The following TUSC3 variants were observed in gnomAD, a reference collection of about 807,000 sequenced individuals.
TUSC3 encodes the protein dolichyl-diphosphooligosaccharide--protein glycosyltransferase subunit TUSC3.
TUSC3 carries 45 observed loss-of-function variants against 44.8 expected under a neutral mutation model. The ratio of observed to expected loss-of-function variants is 1.00; its 90% CI spans 0.79 to 1.29. The LOEUF (loss-of-function observed/expected upper bound fraction) is 1.29. Among genes scored for constraint, TUSC3 ranks in the 50% most tolerant of loss-of-function variants. The pLI, the probability that TUSC3 is intolerant of heterozygous loss-of-function variation, is 0.00. For synonymous variants in TUSC3, 212 were observed against 152.9 expected, an observed-to-expected ratio of 1.39 and a Z score of -2.85; for missense variants, 519 against 437.9, an observed-to-expected ratio of 1.19 and a Z score of -1.65.
chr8:15,840,945 G>A, the TUSC3 span, among the ~76,000 whole-genome samples: 1 of 152,048 alleles, frequency 6.6e-6, no homozygotes, highest in African/African-American at 2.4e-5. Context: ...ATTCTTTTTG[G>A]TCCACTGTTG....
chr8:15,487,584 T>C (rs140101991), intron 2 of TUSC3, among the ~76,000 whole-genome samples: 87 of 152,344 alleles, frequency 5.7e-4, no homozygotes, highest in African/African-American at 2.0e-3. Flanking sequence ...AGAGAAAATA[T>C]TGATACACAA....
chr8:15,570,954 G>T (rs1409556981), intron 1 of TUSC3, among the ~76,000 whole-genome samples: 96 of 44,474 alleles, frequency 2.2e-3, no homozygotes, highest in Non-Finnish European at 3.5e-3. Flanking sequence ...TTGCCTATTA[G>T]TTTTTTTTTT....
chr8:15,590,886 C>T (rs902411784), intron 1 of TUSC3, among the ~76,000 whole-genome samples: 11 of 152,182 alleles, frequency 7.2e-5, no homozygotes, highest in Admixed American at 4.6e-4. Context: ...GTTGCCCAGG[C>T]TGGTGTCAAA....
intron 1 of TUSC3, among the ~76,000 whole-genome samples, chr8:15,431,640 C>T (rs1413867557): frequency 6.8e-6 from 1 of 147,014 alleles, no homozygotes; most frequent in Non-Finnish European, 1.5e-5. Flanking sequence ...TTTGCTTCTT[C>T]CTTTCTGATT....
intron 2 of TUSC3, among the ~76,000 whole-genome samples, chr8:15,645,453 G>A (rs1435621767): frequency 2.6e-5 from 4 of 151,702 alleles, no homozygotes; most frequent in African/African-American, 4.8e-5. Flanking sequence ...ATACTTTGTC[G>A]AACTGTTCCA....
intron 3 of TUSC3, among the ~76,000 whole-genome samples, chr8:15,656,741 AG>A (rs1456101941): frequency 6.6e-6 from 1 of 152,210 alleles, no homozygotes; most frequent in Non-Finnish European, 1.5e-5. Context: ...AGATCCACTA[AG>A]GGGGATTCTT....
At chr8:15,734,158 C>CA (rs367581006) in intron 7 of TUSC3, among the ~76,000 whole-genome samples, 1 of 152,034 alleles carries the variant, frequency 6.6e-6, no homozygotes, top group African/African-American at 2.4e-5. Context: ...TTTCTTCTGG[C>CA]AAAAAATTAC....
intron 6 of TUSC3, among the ~76,000 whole-genome samples, chr8:15,727,823 C>T (rs187329376): frequency 7.2e-5 from 11 of 152,274 alleles, no homozygotes; most frequent in African/African-American, 2.4e-4. Context: ...ATCACTTACA[C>T]TATTGTATAT....
chr8:15,658,349 CT>C (rs1667856869), intron 3 of TUSC3, among the ~76,000 whole-genome samples: 1 of 152,062 alleles, frequency 6.6e-6, no homozygotes, highest in Non-Finnish European at 1.5e-5. Context: ...TAAATAATGA[CT>C]GCTGTAGTCA....
At position 15,500,167 on chromosome 8, in the gene TUSC3, C is replaced by T. The variant is rs549497531; in HGVS notation, n.189+16684C>T. ...ACCTGCAAAAGCAGCTAGAGTCTTT[C>T]TCTACGGAGCTGTACACGTATCTGG... On this transcript the variant is annotated intron_variant and non_coding_transcript_variant, in intron 2 of 5. Coordinates refer to the TUSC3 transcript ENST00000503191. Among the ~76,000 whole-genome samples, 3 of 152,274 alleles carry T rather than the reference C, an allele frequency of 2.0e-5. No homozygotes were observed. The South Asian group carries it at 6.2e-4, about 32-fold the overall frequency.
chr8:15,527,503 C>A (rs992692312), intron 2 of TUSC3, among the ~76,000 whole-genome samples: 1 of 152,200 alleles, frequency 6.6e-6, no homozygotes, highest in African/African-American at 2.4e-5. Flanking sequence ...AGATGTGAGT[C>A]ACTGTGCCCG....
intron 10 of TUSC3, among the ~76,000 whole-genome samples, chr8:15,759,906 G>A (rs2129224019): frequency 6.6e-6 from 1 of 152,138 alleles, no homozygotes. Flanking sequence ...CACACAAGAT[G>A]GAAATCTTGA....
At chr8:15,558,668 T>G (rs1435167347) in intron 1 of TUSC3, among the ~76,000 whole-genome samples, 1 of 119,696 alleles carries the variant, frequency 8.4e-6, no homozygotes, top group African/African-American at 2.9e-5. Context: ...CTATTGATTA[T>G]TGCCACAATT....
intron 5 of TUSC3, among the ~76,000 whole-genome samples, 185 bp from the exon 6 acceptor site, chr8:15,673,562 T>A (rs563097015): frequency 9.9e-5 from 15 of 152,216 alleles, no homozygotes; most frequent in African/African-American, 3.6e-4. Context: ...AGATACGGAA[T>A]CTGAGATGCA....
intron 1 of TUSC3, among the ~76,000 whole-genome samples, chr8:15,591,227 A>T (rs1803824276): frequency 6.6e-6 from 1 of 152,018 alleles, no homozygotes; most frequent in Non-Finnish European, 1.5e-5. Context: ...TGGGGTTTTA[A>T]TTAAATTAGT....
At chr8:15,846,763 A>T in the TUSC3 span, among the ~76,000 whole-genome samples, 46 of 152,104 alleles carry the variant, frequency 3.0e-4, no homozygotes, top group Middle Eastern at 0.014. Flanking sequence ...AGAATTACCT[A>T]ATGTAGATGA....
the TUSC3 span, among the ~76,000 whole-genome samples, chr8:15,812,791 T>C: frequency 2.8e-4 from 43 of 152,088 alleles, no homozygotes; most frequent in African/African-American, 9.9e-4. Context: ...TGATTTTATA[T>C]CATATGAAGA....
chr8:15,611,669 T>C (rs918423308), intron 1 of TUSC3, among the ~76,000 whole-genome samples: 1 of 152,166 alleles, frequency 6.6e-6, no homozygotes, highest in East Asian at 1.9e-4. Flanking sequence ...TTTGTTTAAT[T>C]TACTGTATAG....
At chr8:15,457,787 TATCTA>T (rs578205573) in intron 1 of TUSC3, among the ~76,000 whole-genome samples, 92 of 147,158 alleles carry the variant, frequency 6.3e-4, no homozygotes, top group Middle Eastern at 3.6e-3. Context: ...TAAATTAGAT[TATCTA>T]ATCTAAAATA....
Sources: gnomAD v4.1 joint callset for allele counts (sites outside exome capture counted in the v4.1 genomes callset) on GRCh38, gnomAD v4.1.1 for gene constraint, MANE v1.5 for transcripts, NCBI Gene and HGNC (gene_info 2026-07-23, HGNC 2026-07-21) for gene names.